NAALADL2: variants seen among roughly 807,000 people sequenced by gnomAD.
NAALADL2 encodes N-acetylated alpha-linked acidic dipeptidase like 2.
Under a neutral mutation model 87.2 loss-of-function variants are expected in NAALADL2, and 76 were observed. The observed-to-expected ratio is 0.87, with a 90% confidence interval of 0.72 to 1.05. The LOEUF (loss-of-function observed/expected upper bound fraction) is 1.05. Among genes scored for constraint, NAALADL2 ranks in the 50% least tolerant of loss-of-function variants. The pLI is 0.00. For missense variants in NAALADL2, 1,089 were observed against 945.8 expected (o/e 1.15, Z -1.99); for synonymous variants, 354 against 331.0 (o/e 1.07, Z -0.75).
intron 1 of NAALADL2, among the ~76,000 whole-genome samples, chr3:175,086,828 C>T (rs1299602260): frequency 6.6e-6 from 1 of 152,096 alleles, no homozygotes; most frequent in Non-Finnish European, 1.5e-5. Context: ...TCTCAATGTC[C>T]AGCTGTCATA....
intron 4 of NAALADL2, among the ~76,000 whole-genome samples, chr3:175,297,398 A>G (rs985312248): frequency 1.3e-5 from 2 of 152,130 alleles, no homozygotes; most frequent in Non-Finnish European, 2.9e-5. Flanking sequence ...TCAAACTGCA[A>G]TTTTCACCAT....
rs1176449704 is a variant in NAALADL2, at chr3:175,809,001, G to A, written c.*5798G>A. On this transcript the variant is annotated 3_prime_UTR_variant, in exon 14 of 14. Transcript: ENST00000454872. ...CACTCATATGGTCATTACTTGGTAA[G>A]TGTTTTATATTTTGAATTTCTTAGA... 6.6e-6 allele frequency: 1 copy of A among 151,914 alleles called. No individual in the cohort carries two copies. Among genetic ancestry groups the A allele is most frequent in the Non-Finnish European group, 1.5e-5 (1 of 67,960 alleles). 9.4% of individuals were successfully genotyped at this position (151,914 alleles called of 1,614,324 possible).
chr3:174,455,121 A>G (rs952768052), intron 1 of NAALADL2, among the ~76,000 whole-genome samples: 2 of 152,216 alleles, frequency 1.3e-5, no homozygotes, highest in Non-Finnish European at 2.9e-5. Flanking sequence ...TACAAACTAA[A>G]AAATCCAGAA....
intron 9 of NAALADL2, among the ~76,000 whole-genome samples, chr3:175,558,211 A>G (rs1715651319): frequency 6.6e-6 from 1 of 151,466 alleles, no homozygotes; most frequent in Non-Finnish European, 1.5e-5. Context: ...AAAAAAAAAA[A>G]AAAAAAGAAA....
At chr3:175,315,223 A>T (rs1356825894) in intron 4 of NAALADL2, among the ~76,000 whole-genome samples, 1 of 152,124 alleles carries the variant, frequency 6.6e-6, no homozygotes, top group East Asian at 1.9e-4. Flanking sequence ...TGTATCAGGC[A>T]CCTACCTTGC....
intron 5 of NAALADL2, among the ~76,000 whole-genome samples, chr3:175,383,303 T>A (rs1024814269): frequency 3.3e-5 from 5 of 152,050 alleles, no homozygotes; most frequent in Non-Finnish European, 4.4e-5. Flanking sequence ...TTTTATTAAG[T>A]AACAAATAAT....
chr3:174,458,887 T>G (rs1716025928), intron 1 of NAALADL2, among the ~76,000 whole-genome samples: 1 of 152,114 alleles, frequency 6.6e-6, no homozygotes, highest in Non-Finnish European at 1.5e-5. Context: ...CCTAATTTAG[T>G]TAATATTTTT....
At chr3:175,794,641 C>CT (rs1306592865) in intron 13 of NAALADL2, among the ~76,000 whole-genome samples, 1 of 152,186 alleles carries the variant, frequency 6.6e-6, no homozygotes, top group Non-Finnish European at 1.5e-5. Flanking sequence ...GTTAGATGGA[C>CT]TGAGAACTCT....
intron 11 of NAALADL2, among the ~76,000 whole-genome samples, chr3:175,632,327 A>G (rs1727906780): frequency 6.7e-6 from 1 of 149,270 alleles, no homozygotes; most frequent in South Asian, 2.1e-4. Flanking sequence ...CCTAATGGTA[A>G]GATACACTTG....
intron 1 of NAALADL2, among the ~76,000 whole-genome samples, chr3:174,506,461 G>A (rs1010143987): frequency 3.9e-5 from 6 of 152,004 alleles, no homozygotes; most frequent in African/African-American, 9.7e-5. Flanking sequence ...GATTACAGGC[G>A]TGAACCACTA....
At chr3:174,553,168 A>G (rs752896828) in intron 2 of NAALADL2, among the ~76,000 whole-genome samples, 11 of 152,244 alleles carry the variant, frequency 7.2e-5, no homozygotes, top group Admixed American at 4.6e-4. Flanking sequence ...ATGCAAAATT[A>G]GCAAGACAAA....
intron 4 of NAALADL2, among the ~76,000 whole-genome samples, chr3:175,278,660 T>C (rs918941988): frequency 3.9e-5 from 6 of 152,208 alleles, no homozygotes; most frequent in Non-Finnish European, 7.3e-5. Context: ...GGCATACTTA[T>C]GTGATATGAT....
At chr3:174,730,300 A>G (rs1176446134) in intron 2 of NAALADL2, among the ~76,000 whole-genome samples, 1 of 152,092 alleles carries the variant, frequency 6.6e-6, no homozygotes, top group African/African-American at 2.4e-5. Context: ...GTCCGTTTAT[A>G]TATTCATTAA....
intron 1 of NAALADL2, among the ~76,000 whole-genome samples, chr3:174,526,916 A>G (rs1471195049): frequency 6.6e-6 from 1 of 151,908 alleles, no homozygotes; most frequent in East Asian, 1.9e-4. Context: ...ACCTTAAGTG[A>G]TCCATCTGTC....
chr3:174,909,439 C>A (rs1183088503), intron 1 of NAALADL2, among the ~76,000 whole-genome samples: 1 of 152,040 alleles, frequency 6.6e-6, no homozygotes, highest in Non-Finnish European at 1.5e-5. Flanking sequence ...GACACTTGTG[C>A]AAACTCATGA....
chr3:174,975,659 G>A (rs1005625533), intron 1 of NAALADL2, among the ~76,000 whole-genome samples: 1 of 152,066 alleles, frequency 6.6e-6, no homozygotes. Context: ...TAGTTGCTGT[G>A]ATTGTATTAT....
At chr3:175,522,606 T>G (rs1367874789) in intron 9 of NAALADL2, among the ~76,000 whole-genome samples, 2 of 152,232 alleles carry the variant, frequency 1.3e-5, no homozygotes, top group Non-Finnish European at 2.9e-5. Context: ...TAGTTGAAAG[T>G]TGCTAGTCAT....
At chr3:175,650,858 A>G (rs971411162) in intron 11 of NAALADL2, among the ~76,000 whole-genome samples, 2 of 152,226 alleles carry the variant, frequency 1.3e-5, no homozygotes, top group South Asian at 2.1e-4. Flanking sequence ...ATAACATGGT[A>G]TAACCCAAAC....
At position 175,755,127 on chromosome 3, in the gene NAALADL2, G is replaced by A. The variant is rs1416130411; in HGVS notation, c.1991-93G>A. Reference sequence around the variant, plus strand: ...TTTCCTCTTCCTTCTTCAGTGGTCTGTCTGGCTTATAACTTAGATTCCTGA... The same window carrying A: ...TTTCCTCTTCCTTCTTCAGTGGTCTATCTGGCTTATAACTTAGATTCCTGA... On this transcript the variant is annotated intron_variant, in intron 12 of 13. Transcript: ENST00000454872. The A allele has an allele frequency of 6.7e-6, 7 of 1,045,532 alleles. No homozygotes were observed. In the East Asian group the frequency reaches 1.5e-4, roughly 23 times the overall value. The allele number at this position is 1,045,532 out of a possible 1,614,324, so 64.8% of individuals were successfully genotyped here.
Sources: allele counts gnomAD v4.1 joint callset (sites outside exome capture counted in the v4.1 genomes callset), GRCh38; gene constraint gnomAD v4.1.1; transcripts MANE v1.5; gene names NCBI Gene and HGNC (gene_info 2026-07-23, HGNC 2026-07-21).